RPS2: variants seen among roughly 807,000 people sequenced by gnomAD.
The protein encoded by RPS2 is ribosomal protein S2, also known as small ribosomal subunit protein uS5.
In RPS2, 8 loss-of-function variants were observed where a neutral mutation model predicts 25.3. The ratio of observed to expected loss-of-function variants is 0.32; its 90% CI spans 0.19 to 0.57. The LOEUF (loss-of-function observed/expected upper bound fraction) is 0.57. RPS2 is among the 20% of genes least tolerant of loss of function. The pLI is 0.90. For synonymous variants in RPS2, 181 were observed against 161.3 expected (o/e 1.12, Z -0.92); for missense variants, 229 against 408.1 (o/e 0.56, Z 3.78).
chr16:1,963,456 G>A (rs1367462692), intron 3 of RPS2, among the ~76,000 whole-genome samples, 200 bp from the exon 4 acceptor site: 2 of 152,022 alleles, frequency 1.3e-5, no homozygotes, highest in Non-Finnish European at 2.9e-5. Context: ...CTCTATTAAA[G>A]ACACAAAAAA....
Position 1,964,348 on chromosome 16 carries a change from C to T in RPS2, c.195G>A (p.Lys65=). The change falls in exon 3 of 7, where the codon AAG becomes AAA. Residue 65 remains lysine (K), a synonymous_variant. Coordinates refer to ENST00000343262, the MANE Select transcript of RPS2 (RefSeq NM_002952.4). ...TCATGTCCTTGACCAAGCGGCCCAACTTGGTGACGGGCATCCACTAAAGGG... is the reference window on the plus strand; with the variant it reads ...TCATGTCCTTGACCAAGCGGCCCAATTTGGTGACGGGCATCCACTAAAGGG... ...AEDKEWMPVT[K]LGRLVKDMKI... 6.2e-7 allele frequency: 1 copy of T among 1,613,468 alleles called. No homozygotes were observed. Among genetic ancestry groups the T allele is most frequent in the Non-Finnish European group, 8.5e-7 (1 of 1,179,996 alleles).
At position 1,964,517 on chromosome 16, in the gene RPS2, C is replaced by T. The variant is rs2083289358; in HGVS notation, c.109G>A (p.Gly37Ser). ...CCCCGGCCCCGTCCACGGCCGCGAC[C>T]CCGGCCCCGGATGCCACTGCCGAAA... ...GGFGSGIRGR[G>S]RGRGRGRGRG... Residue 37 changes from glycine (G) to serine (S), a missense_variant, in exon 2 of 7, where the codon GGT (glycine) becomes AGT (serine). Physicochemically the swap from Gly to Ser is moderately conservative, Grantham distance 56. Coordinates refer to ENST00000343262, the MANE Select transcript of RPS2 (RefSeq NM_002952.4). The T allele has an allele frequency of 6.3e-7, 1 of 1,596,840 alleles. No homozygotes were observed. Among genetic ancestry groups the T allele is most frequent in the African/African-American group, 1.3e-5 (1 of 74,266 alleles).
At chr16:1,963,847 G>A (rs948354455) in intron 3 of RPS2, 7 of 445,658 alleles carry the variant, frequency 1.6e-5, no homozygotes, top group African/African-American at 4.1e-5. Flanking sequence ...TTGCTAGGGC[G>A]AACGCTCACA....
chr16:1,962,699 T>G, intron 5 of RPS2, 37 bp downstream of exon 5: 1 of 1,588,570 alleles, frequency 6.3e-7, no homozygotes, highest in Non-Finnish European at 8.6e-7. Context: ...CGAGGGAGCC[T>G]GCCCCACGGC....
chr16:1,963,034 A>G (rs950893686), intron 4 of RPS2, 115 bp downstream of exon 4: 1 of 1,365,058 alleles, frequency 7.3e-7, no homozygotes, highest in African/African-American at 1.4e-5. Context: ...TCCTGAGGAG[A>G]TCTTTTCTCT....
At chr16:1,964,063 G>A (rs908864421) in intron 3 of RPS2, 5 of 579,224 alleles carry the variant, frequency 8.6e-6, no homozygotes, top group Non-Finnish European at 1.5e-5. Flanking sequence ...GGGAAGATGC[G>A]CTGAAATGCC....
At position 1,962,312 on chromosome 16, in the gene RPS2, G is replaced by A. The variant is rs369784955; in HGVS notation, c.710-42C>T. 1.1e-4 allele frequency: 179 copies of A among 1,583,908 alleles called. 1 individual carries two copies. The Middle Eastern group carries it at 4.2e-3, about 37-fold the overall frequency. ...CCCCAGGAGGGTCAGTGGTGTGCTTGAGGCAAGTCCCCCAACCCAAAAATT... is the reference window on the plus strand; with the variant it reads ...CCCCAGGAGGGTCAGTGGTGTGCTTAAGGCAAGTCCCCCAACCCAAAAATT... On this transcript the variant is annotated intron_variant, in intron 6 of 6. Coordinates refer to ENST00000343262, the MANE Select transcript of RPS2 (RefSeq NM_002952.4).
At position 1,964,793 on chromosome 16, in the gene RPS2, C is replaced by T; in HGVS notation, c.-4+14G>A. 1.8e-6 allele frequency: 1 copy of T among 547,704 alleles called. No individual in the cohort carries two copies. The highest frequency in any genetic ancestry group is 2.4e-5 in the South Asian group (1 of 41,116). 33.9% of individuals were successfully genotyped at this position (547,704 alleles called of 1,614,324 possible). On this transcript the variant is annotated intron_variant, in intron 1 of 6. Coordinates refer to ENST00000343262, the MANE Select transcript of RPS2 (RefSeq NM_002952.4). ...CCCACGCAGAGGCCCGCTGCAGCGA[C>T]CAACAGGACTCACGTGTTTTGTCGG...
intron 3 of RPS2, chr16:1,963,580 T>C: frequency 5.6e-6 from 2 of 356,288 alleles, no homozygotes; most frequent in Non-Finnish European, 5.5e-6. Context: ...CACGCCAGCC[T>C]AGGCGATAGG....
intron 2 of RPS2, 26 bp from the exon 3 acceptor site, chr16:1,964,391 C>T: frequency 6.2e-7 from 1 of 1,613,232 alleles, no homozygotes; most frequent in Non-Finnish European, 8.5e-7. Context: ...GCGCCAGTGA[C>T]CAGGACCGCT....
Position 1,964,740 on chromosome 16 carries a change from C to T in RPS2, c.-4+67G>A, listed in dbSNP as rs779640050. 5.0e-6 allele frequency: 3 copies of T among 604,002 alleles called. No individual in the cohort carries two copies. In the African/African-American group the frequency reaches 5.9e-5, roughly 12 times the overall value. The allele number at this position is 604,002 out of a possible 1,614,324, so 37.4% of individuals were successfully genotyped here. A position where few individuals can be genotyped will look rare whatever the true frequency, so the allele number is the denominator to read the frequency against. On this transcript the variant is annotated intron_variant, in intron 1 of 6. Coordinates refer to ENST00000343262, the MANE Select transcript of RPS2 (RefSeq NM_002952.4). ...GGAGCGCGGACTCGGGAGCCTAGACCCGACCCGATGTCCGCGGATTCCCGC... is the reference window on the plus strand; with the variant it reads ...GGAGCGCGGACTCGGGAGCCTAGACTCGACCCGATGTCCGCGGATTCCCGC...
In RPS2 at chr16:1,963,042, T is replaced by C. The variant is rs1329099373; in HGVS notation, c.375+107A>G. 1.0e-5 allele frequency: 14 copies of C among 1,361,010 alleles called. 1 individual carries two copies. In the African/African-American group the frequency reaches 1.3e-4, roughly 13 times the overall value. The allele number at this position is 1,361,010 out of a possible 1,614,324, so 84.3% of individuals were successfully genotyped here. A position where few individuals can be genotyped will look rare whatever the true frequency, so the allele number is the denominator to read the frequency against. Reference sequence around the variant, plus strand: ...TCCGAGGTCCTGAGGAGATCTTTTCTCTCTCTCCCCGTTACGAAAGTCACA... The same window carrying C: ...TCCGAGGTCCTGAGGAGATCTTTTCCCTCTCTCCCCGTTACGAAAGTCACA... On this transcript the variant is annotated intron_variant, in intron 4 of 6. Coordinates refer to ENST00000343262, the MANE Select transcript of RPS2 (RefSeq NM_002952.4).
intron 3 of RPS2, 58 bp from the exon 4 acceptor site, chr16:1,963,314 G>A (rs1469455778): frequency 1.6e-5 from 18 of 1,119,000 alleles, no homozygotes; most frequent in Middle Eastern, 3.0e-4. Context: ...ATACCATTAT[G>A]ATATTCAAGA....
chr16:1,964,574 C>G lies in RPS2; in HGVS notation c.52G>C (p.Gly18Arg). ...AGGPGGPGGP[G>R]MGNRGGFRGG... ...CGGAAGCCACCGCGGTTCCCCATCC[C>G]AGGGCCACCAGGGCCCCCGGGCCCC... The change falls in exon 2 of 7, where the codon GGG becomes CGG. Residue 18 changes from glycine (G) to arginine (R), a missense_variant. Physicochemically the swap from Gly to Arg is moderately radical, Grantham distance 125 (BLOSUM62 -2). Transcript: ENST00000343262. The G allele has an allele frequency of 6.4e-7, 1 of 1,565,718 alleles. No homozygotes were observed. The highest frequency in any genetic ancestry group is 8.6e-7 in the Non-Finnish European group (1 of 1,161,518).
In RPS2 at chr16:1,963,607, G is replaced by GCCCCCC. The variant is rs1206542724; in HGVS notation, c.268-352_268-351insGGGGGG. The GCCCCCC allele has an allele frequency of 2.9e-3, 985 of 338,758 alleles. 10 individuals are homozygous for GCCCCCC. Among genetic ancestry groups the GCCCCCC allele is most frequent in the African/African-American group, 9.0e-3 (389 of 43,248 alleles). The allele number at this position is 338,758 out of a possible 1,614,324, so 21.0% of individuals were successfully genotyped here. On this transcript the variant is annotated intron_variant, in intron 3 of 6. Transcript: ENST00000343262. ...GGCGATAGGGCGAAACTGTGTAACC[G>GCCCCCC]CCCACCCCGCCCAAAAAAAACCGAA...
chr16:1,963,129 C>G lies in RPS2; in HGVS notation c.375+20G>C, dbSNP rs1197456774. ...AGTCCCGGCAAGCCCAGCGCAGCCC[C>G]CTCCAGGACAGCCGGGTACCTTGAA... On this transcript the variant is annotated intron_variant, in intron 4 of 6. Coordinates refer to ENST00000343262, the MANE Select transcript of RPS2 (RefSeq NM_002952.4). 3 of 1,584,238 alleles carry G rather than the reference C, an allele frequency of 1.9e-6. No individual in the cohort carries two copies. The highest frequency in any genetic ancestry group is 2.6e-6 in the Non-Finnish European group (3 of 1,153,924).
intron 4 of RPS2, 21 bp from the exon 5 acceptor site, chr16:1,962,930 G>A (rs2083269801): frequency 1.3e-6 from 2 of 1,597,406 alleles, no homozygotes; most frequent in East Asian, 2.2e-5. Context: ...ATGTGTGTGA[G>A]GCAGCTGGTG....
chr16:1,963,421 G>A (rs536983200), intron 3 of RPS2, among the ~76,000 whole-genome samples, 165 bp from the exon 4 acceptor site: 7 of 148,074 alleles, frequency 4.7e-5, no homozygotes, highest in African/African-American at 1.7e-4. Flanking sequence ...TCCGATACCA[G>A]CCTGGCCACA....
In RPS2 at chr16:1,962,642, G is replaced by A. The variant is rs745841667; in HGVS notation, c.564C>T (p.Cys188=). The change falls in exon 6 of 7, where the codon TGC becomes TGT. Residue 188 remains cysteine, a synonymous_variant. Transcript: ENST00000343262. The stretch of plus-strand genomic sequence containing the variant: ...GGATGAGGCGTACCAGCACAGAGCC[G>A]CAGCGGCCTGTCACCTGGTGAGGGA... ...HTVPCKVTGR[C]GSVLVRLIPA... is the part of the protein sequence containing the mutation. 3.2e-5 allele frequency: 51 copies of A among 1,601,276 alleles called. No individual in the cohort carries two copies. Among genetic ancestry groups the A allele is most frequent in the Non-Finnish European group, 3.6e-5 (42 of 1,175,064 alleles).
Sources: allele counts gnomAD v4.1 joint callset (sites outside exome capture counted in the v4.1 genomes callset), GRCh38; gene constraint gnomAD v4.1.1; transcripts MANE v1.5; gene names NCBI Gene and HGNC (gene_info 2026-07-23, HGNC 2026-07-21).